The following ADAMTSL1 variants were observed in gnomAD, a reference collection of about 807,000 sequenced individuals.
ADAMTSL1 encodes the protein ADAMTS-like protein 1.
Under a neutral mutation model 201.8 loss-of-function variants are expected in ADAMTSL1, and 126 were observed. The observed-to-expected ratio is 0.62, with a 90% CI of 0.54 to 0.72. The LOEUF is 0.72. Ranked by LOEUF, ADAMTSL1 falls within the 30% of genes least tolerant of loss-of-function variation. The pLI, the probability that ADAMTSL1 is intolerant of heterozygous loss-of-function variation, is 0.00. For synonymous variants in ADAMTSL1, 1,121 were observed against 903.4 expected (o/e 1.24, Z -4.32); for missense variants, 2,679 against 2,277.8 (o/e 1.18, Z -3.59).
chr9:18,172,092 C>T (rs1190663123), intron 2 of ADAMTSL1, among the ~76,000 whole-genome samples: 1 of 130,106 alleles, frequency 7.7e-6, no homozygotes. Context: ...AACACATGGA[C>T]ACAGGGAGGA....
At chr9:18,533,436 A>G (rs562685749) in intron 3 of ADAMTSL1, 144 bp downstream of exon 3, 1 of 494,330 alleles carries the variant, frequency 2.0e-6, no homozygotes. Flanking sequence ...TATATGCAGG[A>G]CTAAAATGAT....
intron 7 of ADAMTSL1, among the ~76,000 whole-genome samples, chr9:18,646,500 C>T (rs1042573052): frequency 6.6e-6 from 1 of 150,388 alleles, no homozygotes; most frequent in African/African-American, 2.5e-5. Flanking sequence ...AGTTTTTGCC[C>T]ATTCAGTATG....
intron 2 of ADAMTSL1, among the ~76,000 whole-genome samples, chr9:18,221,488 C>G (rs188897864): frequency 6.6e-4 from 100 of 152,150 alleles, no homozygotes; most frequent in African/African-American, 2.3e-3. Context: ...CTTTTTATCT[C>G]TCTATACTGC....
intron 23 of ADAMTSL1, among the ~76,000 whole-genome samples, chr9:18,857,483 G>T (rs949526926): frequency 6.6e-6 from 1 of 152,206 alleles, no homozygotes; most frequent in African/African-American, 2.4e-5. Context: ...GTTTCCACAT[G>T]ATTAGATGAG....
intron 2 of ADAMTSL1, among the ~76,000 whole-genome samples, chr9:18,380,347 A>G (rs1325626952): frequency 1.3e-5 from 2 of 152,206 alleles, no homozygotes; most frequent in East Asian, 1.9e-4. Context: ...AGGCATAATA[A>G]ATGGGGAAGA....
intron 20 of ADAMTSL1, among the ~76,000 whole-genome samples, chr9:18,800,554 T>C (rs1356417052): frequency 6.6e-6 from 1 of 152,094 alleles, no homozygotes; most frequent in Non-Finnish European, 1.5e-5. Flanking sequence ...ATGTAGAGAA[T>C]GCCCACCAAA....
intron 1 of ADAMTSL1, among the ~76,000 whole-genome samples, chr9:18,106,610 T>C (rs1471447792): frequency 6.6e-6 from 1 of 152,230 alleles, no homozygotes; most frequent in Non-Finnish European, 1.5e-5. Context: ...CAATTACCTA[T>C]GATCAAAATA....
In ADAMTSL1 at chr9:18,098,293, T is replaced by G. The variant is rs150184857; in HGVS notation, c.88-65569T>G. On this transcript the variant is annotated intron_variant, in intron 1 of 29. Transcript: ENST00000680146. The stretch of plus-strand genomic sequence containing the variant: ...TTCAAGACTATTTTGACTAGTTTCT[T>G]TGCATTTCCATATAAGGTTTATAAT... Among the ~76,000 whole-genome samples, 655 of 152,270 alleles carry G rather than the reference T, an allele frequency of 4.3e-3. 5 individuals carry two copies. Among genetic ancestry groups the G allele is most frequent in the South Asian group, 0.017 (82 of 4,826 alleles).
chr9:18,512,954 C>G (rs555100292), intron 2 of ADAMTSL1, among the ~76,000 whole-genome samples: 2 of 152,172 alleles, frequency 1.3e-5, no homozygotes, highest in Non-Finnish European at 2.9e-5. Flanking sequence ...TGATATTAAA[C>G]ATCTCTACAA....
chr9:18,749,104 G>T (rs1377484873), intron 15 of ADAMTSL1, among the ~76,000 whole-genome samples: 4 of 152,158 alleles, frequency 2.6e-5, no homozygotes, highest in African/African-American at 9.7e-5. Context: ...ACTCTAGTTT[G>T]ACCTCATCTT....
At chr9:18,019,983 C>T (rs751593671) in intron 1 of ADAMTSL1, among the ~76,000 whole-genome samples, 1 of 152,058 alleles carries the variant, frequency 6.6e-6, no homozygotes, top group Non-Finnish European at 1.5e-5. Context: ...CTCCTATTTA[C>T]TTCCATTTGA....
At chr9:18,574,595 T>TTGTGTGTG (rs10650608) in intron 4 of ADAMTSL1, 73,625 of 338,666 alleles carry the variant, frequency 0.22, 6,068 homozygotes, top group Admixed American at 0.31. Context: ...GTGTTTGTGT[T>TTGTGTGTG]TGTGTGTGTG....
intron 2 of ADAMTSL1, among the ~76,000 whole-genome samples, chr9:18,186,134 A>C (rs946702671): frequency 6.6e-6 from 1 of 152,184 alleles, no homozygotes; most frequent in African/African-American, 2.4e-5. Context: ...TCTGCTTCCA[A>C]GGAGAAAATA....
intron 19 of ADAMTSL1, among the ~76,000 whole-genome samples, chr9:18,791,449 G>C (rs1044224074): frequency 2.0e-5 from 3 of 152,166 alleles, no homozygotes; most frequent in Admixed American, 1.3e-4. Flanking sequence ...ACTGTGGGCA[G>C]CTTTCTAATT....
chr9:18,446,857 G>T (rs1820211887), intron 2 of ADAMTSL1, among the ~76,000 whole-genome samples: 1 of 152,192 alleles, frequency 6.6e-6, no homozygotes, highest in African/African-American at 2.4e-5. Context: ...GGTTCCAAAA[G>T]TACCTTGAAA....
chr9:18,389,954 T>G (rs749826046), intron 2 of ADAMTSL1, among the ~76,000 whole-genome samples: 2 of 152,142 alleles, frequency 1.3e-5, no homozygotes, highest in African/African-American at 2.4e-5. Flanking sequence ...ACCTATAGCT[T>G]GCATTGTTCC....
chr9:18,789,918 C>A (rs528776919), intron 19 of ADAMTSL1, among the ~76,000 whole-genome samples: 1 of 152,154 alleles, frequency 6.6e-6, no homozygotes, highest in Non-Finnish European at 1.5e-5. Flanking sequence ...TTCTAGCTTC[C>A]AGTCCTGTGT....
intron 3 of ADAMTSL1, among the ~76,000 whole-genome samples, chr9:18,568,756 C>A (rs1383161413): frequency 6.9e-6 from 1 of 145,158 alleles, no homozygotes; most frequent in Non-Finnish European, 1.5e-5. Context: ...TACTACAGTA[C>A]ATGTAGTCAT....
At chr9:18,658,578 T>C (rs1828865805) in intron 8 of ADAMTSL1, among the ~76,000 whole-genome samples, 1 of 152,226 alleles carries the variant, frequency 6.6e-6, no homozygotes, top group South Asian at 2.1e-4. Flanking sequence ...TTTTATTCAT[T>C]AAAATGCATC....
Sources: allele counts gnomAD v4.1 joint callset (sites outside exome capture counted in the v4.1 genomes callset), GRCh38; gene constraint gnomAD v4.1.1; transcripts MANE v1.5; gene names NCBI Gene and HGNC (gene_info 2026-07-23, HGNC 2026-07-21).